GPC6: variants seen among roughly 807,000 people sequenced by gnomAD.
GPC6 encodes the protein glypican 6.
In GPC6, 14 loss-of-function variants were observed where a neutral mutation model predicts 55.2. The observed-to-expected ratio is 0.25, with a 90% CI of 0.17 to 0.40. The LOEUF (loss-of-function observed/expected upper bound fraction) is 0.40. Among genes scored for constraint, GPC6 ranks in the 10% least tolerant of loss-of-function variants. The pLI, the probability that GPC6 is intolerant of heterozygous loss-of-function variation, is 1.00. For synonymous variants in GPC6, 278 were observed against 259.6 expected, an observed-to-expected ratio of 1.07 and a Z score of -0.68; for missense variants, 641 against 708.5, an observed-to-expected ratio of 0.90 and a Z score of 1.08.
At chr13:93,822,829 T>TTTATTATTATTA (rs530559267) in intron 2 of GPC6, among the ~76,000 whole-genome samples, 4 of 148,462 alleles carry the variant, frequency 2.7e-5, no homozygotes, top group South Asian at 2.1e-4. Context: ...CCACATTTTC[T>TTTATTATTATTA]TTATTATTAT....
chr13:94,303,362 G>A (rs1875766890), intron 5 of GPC6, among the ~76,000 whole-genome samples: 2 of 152,126 alleles, frequency 1.3e-5, no homozygotes, highest in African/African-American at 4.8e-5. Context: ...TCGGGTGTGA[G>A]CTAAGTTGCA....
intron 1 of GPC6, among the ~76,000 whole-genome samples, chr13:93,485,220 G>C (rs1352872292): frequency 3.3e-5 from 5 of 152,172 alleles, no homozygotes; most frequent in Non-Finnish European, 7.3e-5. Context: ...GGACATTCTA[G>C]CACAAAGGGG....
At chr13:94,002,152 C>T (rs1041225443) in intron 3 of GPC6, among the ~76,000 whole-genome samples, 1 of 151,916 alleles carries the variant, frequency 6.6e-6, no homozygotes, top group African/African-American at 2.4e-5. Flanking sequence ...ATTTACATCT[C>T]AAAGAGGCAG....
intron 2 of GPC6, among the ~76,000 whole-genome samples, chr13:93,679,471 A>G (rs1259914567): frequency 5.3e-5 from 8 of 152,172 alleles, no homozygotes; most frequent in Admixed American, 5.2e-4. Flanking sequence ...TTATTTTTAA[A>G]ATGATGTCCC....
At chr13:94,342,645 G>A (rs941827535) in intron 6 of GPC6, among the ~76,000 whole-genome samples, 7 of 152,114 alleles carry the variant, frequency 4.6e-5, no homozygotes, top group Admixed American at 1.3e-4. Context: ...TGGCAGCCCC[G>A]GGAAACTACA....
chr13:94,091,531 A>G (rs1885479171), intron 4 of GPC6, among the ~76,000 whole-genome samples: 2 of 152,178 alleles, frequency 1.3e-5, no homozygotes, highest in African/African-American at 4.8e-5. Context: ...AAGCAGGCAG[A>G]TATCTGTGGA....
At chr13:93,285,985 G>A (rs1156456815) in intron 1 of GPC6, among the ~76,000 whole-genome samples, 2 of 152,074 alleles carry the variant, frequency 1.3e-5, no homozygotes, top group Non-Finnish European at 1.5e-5. Context: ...CTGGAACACC[G>A]ACAGGAAGTG....
intron 4 of GPC6, among the ~76,000 whole-genome samples, chr13:94,064,960 T>A (rs1884464381): frequency 6.6e-6 from 1 of 152,200 alleles, no homozygotes; most frequent in Non-Finnish European, 1.5e-5. Context: ...CTCATTTACC[T>A]TGTAATATTT....
rs138826181 is a variant in GPC6, at chr13:93,403,015, C to A, written c.161-142248C>A. On this transcript the variant is annotated intron_variant, in intron 1 of 8. Transcript: ENST00000377047. ...AAAATACACATTTATAAATCTAATT[C>A]TCTAACCACTTAAGAGTTGATTGAA... Among the ~76,000 whole-genome samples the A allele has an allele frequency of 4.2e-4, 64 of 152,154 alleles. 1 individual carries two copies. In the East Asian group the frequency reaches 9.9e-3, roughly 23 times the overall value.
intron 1 of GPC6, among the ~76,000 whole-genome samples, chr13:93,511,041 TG>T (rs1880950499): frequency 2.6e-5 from 1 of 39,022 alleles, no homozygotes; most frequent in Non-Finnish European, 1.1e-4. Context: ...TGAGATTATT[TG>T]TTTTTTTTTC....
At chr13:94,170,831 A>G (rs978341610) in intron 4 of GPC6, among the ~76,000 whole-genome samples, 3 of 152,212 alleles carry the variant, frequency 2.0e-5, no homozygotes, top group Non-Finnish European at 2.9e-5. Flanking sequence ...AATTTGGGCC[A>G]TTTAACAAAG....
chr13:93,540,644 G>A (rs1882256706), intron 1 of GPC6, among the ~76,000 whole-genome samples: 1 of 152,138 alleles, frequency 6.6e-6, no homozygotes, highest in Admixed American at 6.5e-5. Flanking sequence ...AGGGGGATTA[G>A]CATGTCTATC....
intron 4 of GPC6, among the ~76,000 whole-genome samples, chr13:94,232,852 T>A (rs1373443076): frequency 2.0e-5 from 3 of 152,126 alleles, no homozygotes; most frequent in Non-Finnish European, 4.4e-5. Flanking sequence ...CTCTAGTGAC[T>A]GGCTGATTGT....
rs113690566 is a variant in GPC6 at position 93,464,396 on chromosome 13, C to T, written c.161-80867C>T. Among the ~76,000 whole-genome samples, 9 of 152,232 alleles carry T rather than the reference C, an allele frequency of 5.9e-5. 1 individual carries two copies. Among genetic ancestry groups the T allele is most frequent in the African/African-American group, 2.2e-4 (9 of 41,556 alleles). On this transcript the variant is annotated intron_variant, in intron 1 of 8. Transcript: ENST00000377047. Reference sequence around the variant, plus strand: ...ACAAGTGAAGTCAATTCTTTCAGACCCTGCTGCAGCTTTATCAACTCAGTT... The same window carrying T: ...ACAAGTGAAGTCAATTCTTTCAGACTCTGCTGCAGCTTTATCAACTCAGTT...
At chr13:93,288,725 T>C (rs1387994052) in intron 1 of GPC6, among the ~76,000 whole-genome samples, 2 of 152,232 alleles carry the variant, frequency 1.3e-5, no homozygotes, top group African/African-American at 4.8e-5. Context: ...AATTAATATG[T>C]ATTCAAAAAA....
chr13:94,116,925 CTTATTATTA>C (rs1035604573), intron 4 of GPC6, among the ~76,000 whole-genome samples: 1 of 151,828 alleles, frequency 6.6e-6, no homozygotes, highest in Non-Finnish European at 1.5e-5. Flanking sequence ...GAGTTGATCT[CTTATTATTA>C]TTATTATTTT....
intron 2 of GPC6, among the ~76,000 whole-genome samples, chr13:93,643,860 T>C (rs1230780996): frequency 6.6e-6 from 1 of 152,098 alleles, no homozygotes; most frequent in African/African-American, 2.4e-5. Flanking sequence ...AGCCTTCTCC[T>C]TCTTCACCCT....
chr13:93,691,176 C>T (rs1448068942), intron 2 of GPC6, among the ~76,000 whole-genome samples: 1 of 152,076 alleles, frequency 6.6e-6, no homozygotes, highest in Non-Finnish European at 1.5e-5. Flanking sequence ...TTACCTCTTG[C>T]AGTGAAAGGT....
chr13:93,544,357 C>G (rs920988947), intron 1 of GPC6, among the ~76,000 whole-genome samples: 4 of 152,126 alleles, frequency 2.6e-5, no homozygotes, highest in African/African-American at 4.8e-5. Context: ...GAGTCAAGCA[C>G]TTTGTTCATT....
Sources: allele counts gnomAD v4.1 joint callset (sites outside exome capture counted in the v4.1 genomes callset), GRCh38; gene constraint gnomAD v4.1.1; transcripts MANE v1.5; gene names NCBI Gene and HGNC (gene_info 2026-07-23, HGNC 2026-07-21).